Variants in CYP2C18 observed in about 807,000 individuals in gnomAD.
The protein encoded by CYP2C18 is cytochrome P450 family 2 subfamily C member 18, also known as cytochrome P450 2C18.
Under a neutral mutation model 41.3 loss-of-function variants are expected in CYP2C18, and 38 were observed. That is an observed-to-expected ratio of 0.92 (90% CI 0.71 to 1.21). The LOEUF is 1.21. Among genes scored for constraint, CYP2C18 ranks in the 50% most tolerant of loss-of-function variants. The pLI is 0.00. For synonymous variants in CYP2C18, 236 were observed against 210.0 expected, an observed-to-expected ratio of 1.12 and a Z score of -1.07; for missense variants, 635 against 591.4, an observed-to-expected ratio of 1.07 and a Z score of -0.77.
chr10:94,721,886 C>G (rs938085148), intron 6 of CYP2C18, among the ~76,000 whole-genome samples: 4 of 149,702 alleles, frequency 2.7e-5, no homozygotes, highest in African/African-American at 9.8e-5. Flanking sequence ...CCACACATAA[C>G]AATTTTAATC....
chr10:94,704,004 C>T lies in CYP2C18; in HGVS notation c.643-2780C>T, dbSNP rs542069600. Among the ~76,000 whole-genome samples, 162 of 152,286 alleles carry T rather than the reference C, an allele frequency of 1.1e-3. 1 individual carries two copies. The highest frequency in any genetic ancestry group is 1.5e-3 in the Non-Finnish European group (102 of 68,016). On this transcript the variant is annotated intron_variant, in intron 4 of 8. Transcript: ENST00000285979. Reference sequence around the variant, plus strand: ...GGAGGGAGTTCCCCAACCCGTTGTGCTTCCTGGGTGAGCCAATTCCCTACC... The same window carrying T: ...GGAGGGAGTTCCCCAACCCGTTGTGTTTCCTGGGTGAGCCAATTCCCTACC...
At chr10:94,698,588 AAC>A (rs1320485855) in intron 4 of CYP2C18, among the ~76,000 whole-genome samples, 1 of 152,234 alleles carries the variant, frequency 6.6e-6, no homozygotes, top group Non-Finnish European at 1.5e-5. Context: ...AGCAAGAGCA[AAC>A]ACATTCAAAA....
Position 94,687,768 on chromosome 10 carries a change from A to T in CYP2C18, c.169-2A>T. Reference sequence around the variant, plus strand: ...TATTTGAACCTCCTTTTCTATGTTTAGTTCTCAAAAGTCTATGGCCCTGTG... The same window carrying T: ...TATTTGAACCTCCTTTTCTATGTTTTGTTCTCAAAAGTCTATGGCCCTGTG... On this transcript the variant is annotated splice_acceptor_variant, in intron 1 of 8. Coordinates refer to ENST00000285979, the MANE Select transcript of CYP2C18 (RefSeq NM_000772.3). LOFTEE classifies it high-confidence loss of function. The T allele has an allele frequency of 1.9e-6, 3 of 1,610,094 alleles. No individual in the cohort carries two copies. Among genetic ancestry groups the T allele is most frequent in the Non-Finnish European group, 2.5e-6 (3 of 1,178,586 alleles).
chr10:94,728,751 TAACAAAAG>T, intron 7 of CYP2C18: 5 of 243,196 alleles, frequency 2.1e-5, no homozygotes, highest in Non-Finnish European at 3.3e-5. Flanking sequence ...TTTTTTTTTT[TAACAAAAG>T]TTTTATTGGA....
chr10:94,705,360 C>T (rs937790609), intron 4 of CYP2C18, among the ~76,000 whole-genome samples: 14 of 152,124 alleles, frequency 9.2e-5, no homozygotes, highest in East Asian at 5.8e-4. Context: ...AGGGCCTGTC[C>T]GGGGTGTTGG....
At chr10:94,712,091 T>C (rs2134194917) in intron 5 of CYP2C18, among the ~76,000 whole-genome samples, 1 of 145,910 alleles carries the variant, frequency 6.9e-6, no homozygotes, top group South Asian at 2.2e-4. Context: ...CAAGCGATCC[T>C]CCCATCTTGG....
At chr10:94,734,778 A>G (rs1847891856) in intron 8 of CYP2C18, among the ~76,000 whole-genome samples, 1 of 152,196 alleles carries the variant, frequency 6.6e-6, no homozygotes, top group African/African-American at 2.4e-5. Context: ...ATCCCATAGG[A>G]CAGATGGGTG....
chr10:94,707,804 G>C (rs1002728155), intron 5 of CYP2C18, among the ~76,000 whole-genome samples: 1 of 152,166 alleles, frequency 6.6e-6, no homozygotes, highest in Admixed American at 6.5e-5. Context: ...GATCAGATAG[G>C]AGCCAAATGA....
chr10:94,690,878 A>G (rs1313488911), intron 3 of CYP2C18, among the ~76,000 whole-genome samples: 4 of 152,230 alleles, frequency 2.6e-5, no homozygotes, highest in African/African-American at 9.6e-5. Flanking sequence ...ACATATGAAA[A>G]TCAATAAAAG....
At position 94,683,754 on chromosome 10, in the gene CYP2C18, T is replaced by C. The variant is rs374585526; in HGVS notation, c.-66T>C. 3.1e-5 allele frequency: 39 copies of C among 1,257,010 alleles called. No individual in the cohort carries two copies. The East Asian group carries it at 7.9e-4, about 25-fold the overall frequency. The allele number at this position is 1,257,010 out of a possible 1,614,324, so 77.9% of individuals were successfully genotyped here. ...AGAGTCAGAATCACAGGTGGATTAGTAGGGAGTGTTATAAAAGCCTTGAAG... is the reference window on the plus strand; with the variant it reads ...AGAGTCAGAATCACAGGTGGATTAGCAGGGAGTGTTATAAAAGCCTTGAAG... On this transcript the variant is annotated 5_prime_UTR_variant, in exon 1 of 9. Transcript: ENST00000285979.
intron 6 of CYP2C18, 89 bp downstream of exon 6, chr10:94,720,626 G>GAAAC: frequency 1.5e-6 from 2 of 1,306,818 alleles, no homozygotes; most frequent in Non-Finnish European, 2.1e-6. Context: ...TTCTCTTAGA[G>GAAAC]AAGCTTCATT....
At chr10:94,719,374 A>G (rs1255847832) in intron 5 of CYP2C18, among the ~76,000 whole-genome samples, 1 of 151,690 alleles carries the variant, frequency 6.6e-6, no homozygotes, top group South Asian at 2.1e-4. Flanking sequence ...GCCATTTTTG[A>G]TCCCCACGCT....
intron 7 of CYP2C18, among the ~76,000 whole-genome samples, chr10:94,727,927 T>C (rs541492380): frequency 5.3e-5 from 8 of 152,210 alleles, no homozygotes; most frequent in Admixed American, 2.6e-4. Context: ...ACAAGGACTT[T>C]CTCCTACATA....
At chr10:94,691,601 AG>A (rs1395394957) in intron 3 of CYP2C18, among the ~76,000 whole-genome samples, 1 of 152,208 alleles carries the variant, frequency 6.6e-6, no homozygotes, top group Non-Finnish European at 1.5e-5. Flanking sequence ...ATACCACCCA[AG>A]GTAATTTATA....
intron 7 of CYP2C18, among the ~76,000 whole-genome samples, chr10:94,727,900 G>A (rs976485971): frequency 6.6e-6 from 1 of 151,936 alleles, no homozygotes; most frequent in Admixed American, 6.6e-5. Flanking sequence ...AAGTACTTCA[G>A]TATATAATTC....
chr10:94,704,124 G>A (rs773151246), intron 4 of CYP2C18, among the ~76,000 whole-genome samples: 1 of 152,104 alleles, frequency 6.6e-6, no homozygotes, highest in Non-Finnish European at 1.5e-5. Context: ...GAAATCACGG[G>A]CCTTCTGCAT....
chr10:94,696,809 C>T (rs112924575), intron 4 of CYP2C18, among the ~76,000 whole-genome samples: 3,883 of 152,194 alleles, frequency 0.026, 47 homozygotes, highest in Admixed American at 0.037. Flanking sequence ...CTGAAAACCA[C>T]GGCCCGAGAA....
intron 4 of CYP2C18, among the ~76,000 whole-genome samples, chr10:94,704,765 GAACATCCCATTTTCCAAAGAAAC>G (rs1847307620): frequency 6.6e-6 from 1 of 152,088 alleles, no homozygotes; most frequent in Non-Finnish European, 1.5e-5. Flanking sequence ...AGGCACTTTT[GAACATCCCATTTTCCAAAGAAAC>G]TGTCTCCCAG....
At chr10:94,723,851 TG>T (rs1180141025) in intron 6 of CYP2C18, among the ~76,000 whole-genome samples, 3 of 152,192 alleles carry the variant, frequency 2.0e-5, no homozygotes, top group African/African-American at 7.2e-5. Flanking sequence ...ACTTCTAGAA[TG>T]TTTCAACATA....
Sources: gnomAD v4.1 joint callset for allele counts (sites outside exome capture counted in the v4.1 genomes callset) on GRCh38, gnomAD v4.1.1 for gene constraint, MANE v1.5 for transcripts, NCBI Gene and HGNC (gene_info 2026-07-23, HGNC 2026-07-21) for gene names.